AGMO: variants seen among roughly 807,000 people sequenced by gnomAD.
AGMO encodes the protein glyceryl-ether monooxygenase.
Under a neutral mutation model 60.2 loss-of-function variants are expected in AGMO, and 75 were observed. The observed-to-expected ratio is 1.25, with a 90% CI of 1.03 to 1.51. The LOEUF (loss-of-function observed/expected upper bound fraction) is 1.51, where lower values mean the gene tolerates loss of function less well. AGMO is among the 40% of genes most tolerant of loss of function. The pLI is 0.00. For missense variants in AGMO, 763 were observed against 525.5 expected, an observed-to-expected ratio of 1.45 and a Z score of -4.42; for synonymous variants, 261 against 177.1, an observed-to-expected ratio of 1.47 and a Z score of -3.76.
chr7:15,313,407 A>T (rs1372433693), intron 12 of AGMO, among the ~76,000 whole-genome samples: 1 of 152,146 alleles, frequency 6.6e-6, no homozygotes, highest in Non-Finnish European at 1.5e-5. Flanking sequence ...AGATTCTAAA[A>T]CTACTAAGTA....
chr7:15,180,996 T>A, the AGMO span, among the ~76,000 whole-genome samples: 1 of 152,132 alleles, frequency 6.6e-6, no homozygotes, highest in African/African-American at 2.4e-5. Flanking sequence ...TTCAGCTCAT[T>A]TTATGTAAAG....
rs1300097074 is a variant in AGMO at position 15,322,723 on chromosome 7, AAT to A, written c.1263+42789_1263+42790del. Among the ~76,000 whole-genome samples the A allele has an allele frequency of 8.2e-3, 559 of 68,408 alleles. 110 individuals carry two copies. Among genetic ancestry groups the A allele is most frequent in the African/African-American group, 0.025 (278 of 11,132 alleles). The allele number at this position is 68,408 out of a possible 152,430, so 44.9% of individuals were successfully genotyped here. ...ATGTATAAATATATATAAATATATA[AAT>A]ATATATATAAATATATAAATATATA... is the stretch of plus-strand genomic sequence containing the variant. On this transcript the variant is annotated intron_variant, in intron 12 of 12. Transcript: ENST00000342526.
chr7:15,265,587 C>G (rs1361955991), intron 12 of AGMO, among the ~76,000 whole-genome samples: 1 of 151,812 alleles, frequency 6.6e-6, no homozygotes, highest in Non-Finnish European at 1.5e-5. Context: ...GATTCTATCT[C>G]ACACCCATTA....
chr7:15,341,731 C>G (rs1481665607), intron 12 of AGMO, among the ~76,000 whole-genome samples: 1 of 152,060 alleles, frequency 6.6e-6, no homozygotes, highest in Non-Finnish European at 1.5e-5. Flanking sequence ...TATAAAGGAA[C>G]AAGGTTTAAT....
At chr7:15,206,868 T>C (rs967932950) in intron 12 of AGMO, among the ~76,000 whole-genome samples, 2 of 152,132 alleles carry the variant, frequency 1.3e-5, no homozygotes, top group Non-Finnish European at 2.9e-5. Context: ...AAACATCAGA[T>C]TTTCACTATT....
rs565783140 is a variant in AGMO, at chr7:15,423,378, T to C, written c.514-4725A>G. Among the ~76,000 whole-genome samples the C allele has an allele frequency of 4.6e-5, 7 of 152,278 alleles. No individual in the cohort carries two copies. The South Asian group carries it at 1.5e-3, about 32-fold the overall frequency. On this transcript the variant is annotated intron_variant, in intron 4 of 12. Transcript: ENST00000342526. ...TTTATGTTTGAAATAAGAGTTTGTG[T>C]TTCTATTTAGAAAGTCATTATCTTT...
At chr7:15,377,935 A>G (rs1783520253) in intron 10 of AGMO, among the ~76,000 whole-genome samples, 1 of 152,060 alleles carries the variant, frequency 6.6e-6, no homozygotes, top group Non-Finnish European at 1.5e-5. Flanking sequence ...TTGGTCCAAA[A>G]AGAAATTCTT....
the AGMO span, among the ~76,000 whole-genome samples, chr7:15,132,676 G>A: frequency 3.9e-5 from 6 of 152,288 alleles, no homozygotes; most frequent in East Asian, 3.9e-4. Context: ...GAAAGTGATC[G>A]TGGCTGAAGA....
intron 10 of AGMO, among the ~76,000 whole-genome samples, chr7:15,371,694 A>T (rs185749742): frequency 1.6e-4 from 23 of 146,646 alleles, no homozygotes; most frequent in African/African-American, 4.9e-4. Context: ...CACTGAACCC[A>T]GCCAACGGCT....
intron 3 of AGMO, among the ~76,000 whole-genome samples, chr7:15,493,365 C>CTTTTTT (rs71004387): frequency 1.5e-5 from 1 of 66,642 alleles, no homozygotes; most frequent in Non-Finnish European, 2.7e-5. Context: ...ACACACACTT[C>CTTTTTT]TTTTTTTTTT....
chr7:15,160,233 C>A, the AGMO span, among the ~76,000 whole-genome samples: 2 of 152,148 alleles, frequency 1.3e-5, no homozygotes, highest in African/African-American at 4.8e-5. Context: ...TCCGTCACTA[C>A]TATTTCCTTC....
intron 12 of AGMO, among the ~76,000 whole-genome samples, chr7:15,315,328 CT>C (rs1178276622): frequency 5.4e-3 from 262 of 48,170 alleles, no homozygotes; most frequent in Non-Finnish European, 7.1e-3. Context: ...TGGATATTTG[CT>C]TTTTTTTTTT....
intron 5 of AGMO, among the ~76,000 whole-genome samples, chr7:15,410,205 CTTT>C (rs1429891366): frequency 6.6e-6 from 1 of 151,396 alleles, no homozygotes; most frequent in Admixed American, 6.6e-5. Context: ...CACCATTTAA[CTTT>C]TTTTTATTAT....
chr7:15,553,027 T>C (rs1368187354), intron 2 of AGMO, among the ~76,000 whole-genome samples: 1 of 151,730 alleles, frequency 6.6e-6, no homozygotes, highest in Non-Finnish European at 1.5e-5. Context: ...TGTAGGGACA[T>C]GGATGAAATT....
the AGMO span, among the ~76,000 whole-genome samples, chr7:15,131,957 C>T: frequency 3.9e-5 from 6 of 152,040 alleles, no homozygotes; most frequent in Non-Finnish European, 8.8e-5. Flanking sequence ...ATCCACTCTC[C>T]TGTCTGCCTC....
intron 2 of AGMO, among the ~76,000 whole-genome samples, chr7:15,555,429 C>T (rs556403325): frequency 6.6e-6 from 1 of 151,504 alleles, no homozygotes; most frequent in Non-Finnish European, 1.5e-5. Flanking sequence ...GGAGTTTGCA[C>T]TGCCCGTCTG....
intron 12 of AGMO, among the ~76,000 whole-genome samples, chr7:15,215,313 G>A (rs1435947988): frequency 1.3e-5 from 2 of 151,920 alleles, no homozygotes; most frequent in Admixed American, 6.6e-5. Flanking sequence ...TCCACAATTT[G>A]ATCAAAAGAA....
At chr7:15,482,679 G>A (rs1340819738) in intron 3 of AGMO, among the ~76,000 whole-genome samples, 1 of 151,996 alleles carries the variant, frequency 6.6e-6, no homozygotes, top group East Asian at 1.9e-4. Context: ...TCTAGAAATG[G>A]AAATTATAAA....
intron 3 of AGMO, among the ~76,000 whole-genome samples, chr7:15,470,046 C>T (rs903131039): frequency 6.6e-6 from 1 of 151,922 alleles, no homozygotes; most frequent in African/African-American, 2.4e-5. Flanking sequence ...TTCCACTCCA[C>T]TTTTTAAGGC....
Sources: gnomAD v4.1 joint callset for allele counts (sites outside exome capture counted in the v4.1 genomes callset) on GRCh38, gnomAD v4.1.1 for gene constraint, MANE v1.5 for transcripts, NCBI Gene and HGNC (gene_info 2026-07-23, HGNC 2026-07-21) for gene names.